Variants in RBFOX3 observed in about 807,000 individuals in gnomAD.
RBFOX3 encodes RNA binding protein fox-1 homolog 3.
In RBFOX3, 17 loss-of-function variants were observed where a neutral mutation model predicts 48.7. That is an observed-to-expected ratio of 0.35 (90% CI 0.24 to 0.52). The LOEUF (loss-of-function observed/expected upper bound fraction) is 0.52. RBFOX3 is among the 20% of genes least tolerant of loss of function. The pLI, the probability that RBFOX3 is intolerant of heterozygous loss-of-function variation, is 0.94. For synonymous variants in RBFOX3, 212 were observed against 209.5 expected, an observed-to-expected ratio of 1.01 and a Z score of -0.10; for missense variants, 382 against 497.5, an observed-to-expected ratio of 0.77 and a Z score of 2.21.
chr17:79,125,640 G>T (rs183186254), intron 4 of RBFOX3, among the ~76,000 whole-genome samples: 4 of 152,218 alleles, frequency 2.6e-5, no homozygotes, highest in African/African-American at 9.6e-5. Context: ...GCCTTCCCTC[G>T]GCACAGCCCT....
At chr17:79,545,270 C>T (rs2090264871) in intron 1 of RBFOX3, among the ~76,000 whole-genome samples, 1 of 152,038 alleles carries the variant, frequency 6.6e-6, no homozygotes, top group South Asian at 2.1e-4. Context: ...CCCTCTCCCT[C>T]GCCCCTGCTA....
At chr17:79,466,922 C>G (rs1290430232) in intron 2 of RBFOX3, among the ~76,000 whole-genome samples, 6 of 152,126 alleles carry the variant, frequency 3.9e-5, no homozygotes, top group Admixed American at 1.3e-4. Context: ...GACCCCATAA[C>G]AGGCATGAGC....
chr17:79,282,916 T>G (rs1484744532), intron 3 of RBFOX3, among the ~76,000 whole-genome samples: 1 of 152,242 alleles, frequency 6.6e-6, no homozygotes. Context: ...CAGCAGCATC[T>G]TTGAAGTGGT....
chr17:79,602,730 C>A (rs1370912309), intron 1 of RBFOX3, among the ~76,000 whole-genome samples: 2 of 152,108 alleles, frequency 1.3e-5, no homozygotes, highest in Non-Finnish European at 2.9e-5. Flanking sequence ...AACTGAGATC[C>A]AAAAACATAT....
intron 1 of RBFOX3, among the ~76,000 whole-genome samples, chr17:79,487,497 C>T (rs1182154439): frequency 1.3e-5 from 2 of 152,232 alleles, no homozygotes; most frequent in African/African-American, 2.4e-5. Context: ...TCATCATCCT[C>T]GTCCTCAGCC....
intron 1 of RBFOX3, among the ~76,000 whole-genome samples, chr17:79,541,777 G>A (rs377113615): frequency 3.0e-4 from 46 of 152,292 alleles, no homozygotes; most frequent in African/African-American, 1.0e-3. Context: ...AGCCCTTTCC[G>A]TGCTGATCAG....
At chr17:79,229,053 C>G (rs1201623454) in intron 4 of RBFOX3, among the ~76,000 whole-genome samples, 1 of 143,764 alleles carries the variant, frequency 7.0e-6, no homozygotes, top group Non-Finnish European at 1.5e-5. Flanking sequence ...ATGGTGAAAT[C>G]CCATCTCTAC....
upstream of RBFOX3, among the ~76,000 whole-genome samples, chr17:79,614,718 A>T (rs1007597420): frequency 7.2e-4 from 110 of 152,370 alleles, no homozygotes; most frequent in Admixed American, 1.0e-3. Context: ...AGAACAAAAA[A>T]GCTGGGAAGT....
intron 3 of RBFOX3, among the ~76,000 whole-genome samples, chr17:79,238,848 C>G (rs2061963232): frequency 6.6e-6 from 1 of 152,186 alleles, no homozygotes. Context: ...CAAAGAGTCC[C>G]CATTTTTGAA....
At chr17:79,352,347 T>C (rs943980945) in intron 2 of RBFOX3, among the ~76,000 whole-genome samples, 1 of 152,234 alleles carries the variant, frequency 6.6e-6, no homozygotes, top group Non-Finnish European at 1.5e-5. Flanking sequence ...CATGTGAAGA[T>C]GTGCCTGCTT....
rs1201281123 is a variant in RBFOX3, at chr17:79,254,232, C to T, written c.-73-18427G>A. On this transcript the variant is annotated intron_variant, in intron 3 of 14. Transcript: ENST00000693108. This position sits in a 1 kb window ranked among gnomAD's most constrained non-coding sequence, Gnocchi z 4.8. ...GATTTTCCAGAAGGTTCTCAGATGT[C>T]CTGGCTTCAGGGAGCAGGGCCCCTG... Among the ~76,000 whole-genome samples, 1 of 152,166 alleles carries T rather than the reference C, an allele frequency of 6.6e-6. No individual in the cohort carries two copies. The highest frequency in any genetic ancestry group is 2.4e-5 in the African/African-American group (1 of 41,438).
rs562333153 is a variant in RBFOX3, at chr17:79,300,810, G to A, written c.-74+6914C>T. Among the ~76,000 whole-genome samples the A allele has an allele frequency of 1.2e-4, 19 of 152,288 alleles. No homozygotes were observed. In the South Asian group the frequency reaches 2.1e-3, roughly 17 times the overall value. On this transcript the variant is annotated intron_variant, in intron 3 of 14. Transcript: ENST00000693108. ...ACCAGAGACCTTGGTGAGGCACCTG[G>A]GGCTGCACTTGTATTTTAAGTTTCT...
the RBFOX3 span, among the ~76,000 whole-genome samples, chr17:79,655,979 C>G: frequency 1.1e-4 from 16 of 152,284 alleles, no homozygotes; most frequent in East Asian, 2.9e-3. Context: ...TGCAGGCCTT[C>G]CAGAATGGCC....
intron 4 of RBFOX3, among the ~76,000 whole-genome samples, chr17:79,146,735 G>T (rs947462534): frequency 1.3e-5 from 2 of 152,208 alleles, no homozygotes; most frequent in African/African-American, 4.8e-5. Flanking sequence ...GCTTCTCCAT[G>T]GGGGCCTGGG....
chr17:79,449,050 G>A (rs2072938025), intron 2 of RBFOX3, among the ~76,000 whole-genome samples: 1 of 152,024 alleles, frequency 6.6e-6, no homozygotes, highest in Non-Finnish European at 1.5e-5. Context: ...TTGCCAGGTT[G>A]GGGGTGCACA....
chr17:79,356,776 C>T (rs1311140823), intron 2 of RBFOX3, among the ~76,000 whole-genome samples: 3 of 151,960 alleles, frequency 2.0e-5, no homozygotes, highest in Non-Finnish European at 4.4e-5. Context: ...CAGAGAGAGA[C>T]CAAAGGTAAG....
intron 1 of RBFOX3, among the ~76,000 whole-genome samples, chr17:79,533,192 A>G (rs2088110414): frequency 6.6e-6 from 1 of 152,194 alleles, no homozygotes; most frequent in Admixed American, 6.5e-5. Context: ...CGGCCATTTC[A>G]TGTCTACTTC....
the RBFOX3 span, among the ~76,000 whole-genome samples, chr17:79,663,261 C>T: frequency 0.63 from 95,840 of 152,060 alleles, 33,952 homozygotes; most frequent in Non-Finnish European, 0.79. Context: ...ATAAATGATG[C>T]TTTCAATGTG....
chr17:79,510,987 C>T (rs912146621), intron 1 of RBFOX3, among the ~76,000 whole-genome samples: 3 of 152,222 alleles, frequency 2.0e-5, no homozygotes, highest in Admixed American at 1.3e-4. Flanking sequence ...ACCTCGGCCT[C>T]CTTTGTCCAA....
Sources: gnomAD v4.1 joint callset for allele counts (sites outside exome capture counted in the v4.1 genomes callset) on GRCh38, gnomAD v4.1.1 for gene constraint, Gnocchi (gnomAD v3.1) non-coding constraint, MANE v1.5 for transcripts, NCBI Gene and HGNC (gene_info 2026-07-23, HGNC 2026-07-21) for gene names.